EPHA6: variants seen among roughly 807,000 people sequenced by gnomAD.
The protein encoded by EPHA6 is EPH receptor A6.
In EPHA6, 50 loss-of-function variants were observed where a neutral mutation model predicts 112.0. That is an observed-to-expected ratio of 0.45 (90% CI 0.36 to 0.56). The LOEUF is 0.56. Ranked by LOEUF, EPHA6 falls within the 20% of genes least tolerant of loss-of-function variation. The pLI, the probability that EPHA6 is intolerant of heterozygous loss-of-function variation, is 0.00. For missense variants in EPHA6, 1,280 were observed against 1,417.4 expected (o/e 0.90, Z 1.56); for synonymous variants, 529 against 490.7 (o/e 1.08, Z -1.03).
chr3:97,578,775 A>G (rs948378801), intron 11 of EPHA6, among the ~76,000 whole-genome samples: 10 of 152,208 alleles, frequency 6.6e-5, no homozygotes, highest in African/African-American at 2.4e-4. Context: ...TGCATCATAA[A>G]TTTAAAAAAT....
chr3:97,132,448 TA>T (rs1466483830), intron 3 of EPHA6, among the ~76,000 whole-genome samples: 2 of 152,080 alleles, frequency 1.3e-5, no homozygotes, highest in Non-Finnish European at 2.9e-5. Flanking sequence ...TCTTTTTAAA[TA>T]TCTCACTCTA....
At chr3:97,295,698 A>G (rs1258866897) in intron 5 of EPHA6, among the ~76,000 whole-genome samples, 1 of 151,740 alleles carries the variant, frequency 6.6e-6, no homozygotes, top group Non-Finnish European at 1.5e-5. Flanking sequence ...TGGCTTTCAT[A>G]TGAGAAGACT....
intron 5 of EPHA6, among the ~76,000 whole-genome samples, chr3:97,397,833 GA>G (rs1422704139): frequency 6.6e-6 from 1 of 151,410 alleles, no homozygotes; most frequent in Non-Finnish European, 1.5e-5. Context: ...TATGGAATTG[GA>G]TTTAGTATGC....
At chr3:97,562,107 G>A (rs1253093479) in intron 11 of EPHA6, among the ~76,000 whole-genome samples, 1 of 152,120 alleles carries the variant, frequency 6.6e-6, no homozygotes, top group South Asian at 2.1e-4. Context: ...CATACAAGGA[G>A]ATTAATGTTA....
chr3:97,574,184 T>C lies in EPHA6; in HGVS notation c.2387-18428T>C, dbSNP rs1023027304. Among the ~76,000 whole-genome samples the C allele has an allele frequency of 8.5e-5, 13 of 152,226 alleles. No individual in the cohort carries two copies. In the East Asian group the frequency reaches 1.5e-3, roughly 18 times the overall value. On this transcript the variant is annotated intron_variant, in intron 11 of 17. Coordinates refer to ENST00000389672, the MANE Select transcript of EPHA6 (RefSeq NM_001080448.3). ...GAGAAATCTAAATTTTATTATCAAA[T>C]AGAGAAATGGTTTTAATACCCTATC...
intron 3 of EPHA6, among the ~76,000 whole-genome samples, chr3:97,029,361 A>G (rs886607617): frequency 6.6e-5 from 10 of 151,840 alleles, no homozygotes; most frequent in African/African-American, 2.4e-4. Context: ...TAATAAATTT[A>G]TTTTAATAAA....
chr3:96,824,649 C>T (rs1306503806), intron 1 of EPHA6, among the ~76,000 whole-genome samples: 1 of 151,986 alleles, frequency 6.6e-6, no homozygotes, highest in Non-Finnish European at 1.5e-5. Context: ...CTAATGACAT[C>T]AGTAAATAAT....
At chr3:97,334,781 T>C (rs1337547839) in intron 5 of EPHA6, among the ~76,000 whole-genome samples, 2 of 152,200 alleles carry the variant, frequency 1.3e-5, no homozygotes, top group East Asian at 3.8e-4. Context: ...TTGTTGAAAA[T>C]GTAATTCTAT....
At chr3:97,288,254 G>C (rs2080544360) in intron 5 of EPHA6, among the ~76,000 whole-genome samples, 1 of 152,130 alleles carries the variant, frequency 6.6e-6, no homozygotes, top group African/African-American at 2.4e-5. Context: ...ACCCTCTGTA[G>C]TAGTCCCATG....
At chr3:97,623,651 T>G (rs2093831548) in intron 13 of EPHA6, among the ~76,000 whole-genome samples, 1 of 151,612 alleles carries the variant, frequency 6.6e-6, no homozygotes, top group Admixed American at 6.6e-5. Flanking sequence ...GCTAGGACGC[T>G]CTTTTCACCC....
intron 14 of EPHA6, among the ~76,000 whole-genome samples, chr3:97,660,186 C>T (rs2094160996): frequency 1.3e-5 from 2 of 152,088 alleles, no homozygotes; most frequent in Admixed American, 6.6e-5. Flanking sequence ...TCATTATGCT[C>T]CCTTCAGTAT....
intron 5 of EPHA6, among the ~76,000 whole-genome samples, chr3:97,393,012 G>A (rs1301744997): frequency 1.3e-5 from 2 of 151,800 alleles, no homozygotes; most frequent in East Asian, 3.9e-4. Flanking sequence ...CTTTTGCCTG[G>A]AAGAATCACT....
intron 5 of EPHA6, among the ~76,000 whole-genome samples, chr3:97,315,284 G>A (rs1055750771): frequency 4.6e-5 from 7 of 151,566 alleles, no homozygotes; most frequent in Non-Finnish European, 1.0e-4. Context: ...TAGGGATCAC[G>A]AGAAATAAAG....
At chr3:97,736,470 A>AGAGTGTGTGT (rs576699039) in intron 16 of EPHA6, among the ~76,000 whole-genome samples, 3 of 118,812 alleles carry the variant, frequency 2.5e-5, no homozygotes, top group East Asian at 4.9e-4. Flanking sequence ...AGAGAGAGAG[A>AGAGTGTGTGT]GTGTGTGTGT....
intron 10 of EPHA6, among the ~76,000 whole-genome samples, chr3:97,514,536 C>A (rs188668324): frequency 2.0e-5 from 3 of 152,216 alleles, no homozygotes; most frequent in Admixed American, 6.5e-5. Flanking sequence ...TCCAACCAAC[C>A]ACAGCTCCAT....
chr3:97,465,778 A>C (rs538579591), intron 7 of EPHA6, among the ~76,000 whole-genome samples: 19 of 152,198 alleles, frequency 1.2e-4, no homozygotes, highest in Non-Finnish European at 2.5e-4. Context: ...TGCCAAATAA[A>C]GGACAACTGT....
At chr3:97,621,555 T>C (rs1039654031) in intron 13 of EPHA6, among the ~76,000 whole-genome samples, 1 of 151,822 alleles carries the variant, frequency 6.6e-6, no homozygotes, top group Non-Finnish European at 1.5e-5. Context: ...AGTTACTAAA[T>C]GCAAACCAGG....
chr3:97,262,021 T>A (rs2079519882), intron 5 of EPHA6, among the ~76,000 whole-genome samples: 1 of 152,178 alleles, frequency 6.6e-6, no homozygotes, highest in Non-Finnish European at 1.5e-5. Context: ...AGTTATTTAG[T>A]CATAAGTTAC....
Position 97,181,849 on chromosome 3 carries a change from G to A in EPHA6, c.1115-44415G>A, listed in dbSNP as rs188073747. On this transcript the variant is annotated intron_variant, in intron 3 of 17. Transcript: ENST00000389672. ...CAAGATGAAGCTTTTTCTCTTGTGT[G>A]TCACCTTCTTTTCGATGGCTCCACT... Among the ~76,000 whole-genome samples the A allele has an allele frequency of 7.6e-4, 116 of 152,188 alleles. 1 individual carries two copies. The highest frequency in any genetic ancestry group is 2.5e-3 in the Admixed American group (38 of 15,250).
Sources: gnomAD v4.1 joint callset for allele counts (sites outside exome capture counted in the v4.1 genomes callset) on GRCh38, gnomAD v4.1.1 for gene constraint, MANE v1.5 for transcripts, NCBI Gene and HGNC (gene_info 2026-07-23, HGNC 2026-07-21) for gene names.